ERBB4: variants seen among roughly 807,000 people sequenced by gnomAD.
The protein encoded by ERBB4 is erb-b2 receptor tyrosine kinase 4, also known as receptor tyrosine-protein kinase erbB-4.
A neutral mutation model predicts 158.0 loss-of-function variants in ERBB4; 42 were observed. That is an observed-to-expected ratio of 0.27 (90% CI 0.21 to 0.34). ERBB4 has a LOEUF of 0.34. Ranked by LOEUF, ERBB4 falls within the 10% of genes least tolerant of loss-of-function variation. The pLI is 1.00. For missense variants in ERBB4, 1,333 were observed against 1,624.1 expected, an observed-to-expected ratio of 0.82 and a Z score of 3.08; for synonymous variants, 583 against 558.7, an observed-to-expected ratio of 1.04 and a Z score of -0.61.
At chr2:212,508,088 T>C (rs1691294389) in intron 1 of ERBB4, among the ~76,000 whole-genome samples, 1 of 152,192 alleles carries the variant, frequency 6.6e-6, no homozygotes, top group African/African-American at 2.4e-5. Context: ...GCAAAATGAT[T>C]ACAACCCATT....
intron 1 of ERBB4, among the ~76,000 whole-genome samples, chr2:212,273,688 T>C (rs1298991991): frequency 6.6e-6 from 1 of 151,846 alleles, no homozygotes; most frequent in East Asian, 1.9e-4. Context: ...AGAGGTAAAG[T>C]ATTATAATAC....
At chr2:211,662,797 C>A (rs2071479541) in intron 15 of ERBB4, among the ~76,000 whole-genome samples, 1 of 152,080 alleles carries the variant, frequency 6.6e-6, no homozygotes. Flanking sequence ...ACTTTATTTT[C>A]AGAAAAATCA....
intron 1 of ERBB4, among the ~76,000 whole-genome samples, chr2:212,187,569 T>C (rs2082052178): frequency 6.6e-6 from 1 of 152,100 alleles, no homozygotes; most frequent in Non-Finnish European, 1.5e-5. Context: ...AATACAAAAG[T>C]AAATTTGAAA....
rs2079065187 is a variant in ERBB4, at chr2:212,100,960, C to A, written c.234+23792G>T. Among the ~76,000 whole-genome samples, 5 of 152,018 alleles carry A rather than the reference C, an allele frequency of 3.3e-5. 1 individual carries two copies. The South Asian group carries it at 1.0e-3, about 32-fold the overall frequency. On this transcript the variant is annotated intron_variant, in intron 2 of 27. Transcript: ENST00000342788. Reference sequence around the variant, plus strand: ...AAGTAGATAAATGTGTATTGCTAATCATCTTATTTCAAAATTTGCTGACAT... The same window carrying A: ...AAGTAGATAAATGTGTATTGCTAATAATCTTATTTCAAAATTTGCTGACAT...
At chr2:212,434,437 A>G (rs955011528) in intron 1 of ERBB4, among the ~76,000 whole-genome samples, 6 of 151,900 alleles carry the variant, frequency 3.9e-5, no homozygotes, top group Admixed American at 6.6e-5. Flanking sequence ...TTTTCCCTAT[A>G]TAATTTGGAA....
chr2:212,367,757 T>A (rs529226276), intron 1 of ERBB4, among the ~76,000 whole-genome samples: 1 of 151,950 alleles, frequency 6.6e-6, no homozygotes, highest in South Asian at 2.1e-4. Context: ...AACATTCCCA[T>A]CAAAAAGTGA....
At position 212,352,172 on chromosome 2, in the gene ERBB4, G is replaced by T. The variant is rs116296649; in HGVS notation, c.82+186277C>A. ...CAAACACTGGGGCCTCCTTGAAAAT[G>T]GAGGGTAGGAGGAGGGAGAGGATCA... On this transcript the variant is annotated intron_variant, in intron 1 of 27. Coordinates refer to ENST00000342788, the MANE Select transcript of ERBB4 (RefSeq NM_005235.3). 9.4e-3 allele frequency among the ~76,000 whole-genome samples: 1,434 copies of T among 152,108 alleles called. 26 individuals carry two copies. Among genetic ancestry groups the T allele is most frequent in the African/African-American group, 0.033 (1,353 of 41,496 alleles).
At chr2:212,419,981 AT>A (rs2091757094) in intron 1 of ERBB4, among the ~76,000 whole-genome samples, 1 of 152,016 alleles carries the variant, frequency 6.6e-6, no homozygotes, top group Non-Finnish European at 1.5e-5. Context: ...AAATGAATTC[AT>A]TCTAAGTGCA....
chr2:211,719,985 C>T lies in ERBB4; in HGVS notation c.883+2408G>A, dbSNP rs759019742. On this transcript the variant is annotated intron_variant, in intron 7 of 27. Transcript: ENST00000342788. ...TTTAAGGGAAAGTACACGGCATAAA[C>T]ATTGTTTTTGATGAGAATTTCAGCT... 1.1e-3 allele frequency among the ~76,000 whole-genome samples: 174 copies of T among 151,358 alleles called. 1 individual carries two copies. The highest frequency in any genetic ancestry group is 7.2e-4 in the Admixed American group (11 of 15,180).
chr2:211,805,201 A>G (rs1030682472), intron 3 of ERBB4, among the ~76,000 whole-genome samples: 3 of 152,134 alleles, frequency 2.0e-5, no homozygotes, highest in African/African-American at 7.2e-5. Context: ...TGCTGGGATT[A>G]CAGGTGTGAG....
At chr2:211,691,566 A>ATGTGTGTGTGTGTGTG (rs1491273640) in intron 12 of ERBB4, among the ~76,000 whole-genome samples, 2 of 87,934 alleles carry the variant, frequency 2.3e-5, no homozygotes, top group African/African-American at 9.5e-5. Flanking sequence ...GCATAGAAAC[A>ATGTGTGTGTGTGTGTG]TATGTGTGTG....
chr2:212,105,499 G>A (rs1458923127), intron 2 of ERBB4, among the ~76,000 whole-genome samples: 3 of 152,022 alleles, frequency 2.0e-5, no homozygotes, highest in Admixed American at 6.6e-5. Flanking sequence ...TAGCAATCAC[G>A]CTTTTTCTTT....
intron 2 of ERBB4, among the ~76,000 whole-genome samples, chr2:212,058,466 A>G (rs2077651762): frequency 6.6e-6 from 1 of 152,204 alleles, no homozygotes; most frequent in South Asian, 2.1e-4. Context: ...CTGATACCAA[A>G]GCCTGATAGA....
At chr2:211,889,948 T>G (rs1415505134) in intron 3 of ERBB4, among the ~76,000 whole-genome samples, 9 of 115,744 alleles carry the variant, frequency 7.8e-5, no homozygotes, top group Admixed American at 1.8e-4. Context: ...CTGAAAGTGA[T>G]GGGGAGAATG....
At chr2:212,229,932 G>T (rs1046383877) in intron 1 of ERBB4, among the ~76,000 whole-genome samples, 4 of 152,164 alleles carry the variant, frequency 2.6e-5, no homozygotes, top group African/African-American at 7.2e-5. Flanking sequence ...GATTATGACT[G>T]TTGGCCAATA....
chr2:211,482,469 A>C (rs940542446), intron 20 of ERBB4, among the ~76,000 whole-genome samples: 1 of 152,204 alleles, frequency 6.6e-6, no homozygotes, highest in Non-Finnish European at 1.5e-5. Context: ...GTAACTCAGC[A>C]TCTCAGAAGA....
chr2:212,349,092 ATATAGG>A (rs1279628233), intron 1 of ERBB4, among the ~76,000 whole-genome samples: 2 of 152,146 alleles, frequency 1.3e-5, no homozygotes, highest in Non-Finnish European at 2.9e-5. Context: ...GGTGACACGA[ATATAGG>A]TATCATGAGG....
In ERBB4 at chr2:211,765,198, A is replaced by G. The variant is rs111734730; in HGVS notation, c.557-14494T>C. 2.2e-3 allele frequency among the ~76,000 whole-genome samples: 332 copies of G among 152,282 alleles called. 3 individuals are homozygous for G. The highest frequency in any genetic ancestry group is 7.5e-3 in the African/African-American group (313 of 41,568). On this transcript the variant is annotated intron_variant, in intron 4 of 27. Coordinates refer to ENST00000342788, the MANE Select transcript of ERBB4 (RefSeq NM_005235.3). ...GTAGTTAGAAACTCTTGGAGACAAG[A>G]TTCAAACTCATGTAGAAACACCCAC...
At chr2:212,291,525 G>C (rs765860501) in intron 1 of ERBB4, among the ~76,000 whole-genome samples, 4 of 152,010 alleles carry the variant, frequency 2.6e-5, no homozygotes, top group African/African-American at 4.8e-5. Context: ...TAATTGTGTA[G>C]TTGCATCACA....
Sources: allele counts gnomAD v4.1 joint callset (sites outside exome capture counted in the v4.1 genomes callset), GRCh38; gene constraint gnomAD v4.1.1; transcripts MANE v1.5; gene names NCBI Gene and HGNC (gene_info 2026-07-23, HGNC 2026-07-21).